Variants in ANK2 observed in about 807,000 individuals in gnomAD.
ANK2 encodes the protein ankyrin 2.
ANK2 carries 83 observed loss-of-function variants against 360.5 expected under a neutral mutation model. That is an observed-to-expected ratio of 0.23 (90% CI 0.19 to 0.28). The LOEUF is 0.28. Among genes scored for constraint, ANK2 ranks in the 10% least tolerant of loss-of-function variants. ANK2 has a pLI of 1.00. For synonymous variants in ANK2, 1,740 were observed against 1,759.5 expected (o/e 0.99, Z 0.28); for missense variants, 4,201 against 4,795.7 (o/e 0.88, Z 3.66).
chr4:112,756,972 C>T, the ANK2 span, among the ~76,000 whole-genome samples: 1 of 151,754 alleles, frequency 6.6e-6, no homozygotes, highest in South Asian at 2.1e-4. Flanking sequence ...GACTCCATCT[C>T]AAAAGAAAAA....
chr4:113,278,692 C>G, intron 17 of ANK2, 134 bp downstream of exon 17: 1 of 865,118 alleles, frequency 1.2e-6, no homozygotes, highest in Non-Finnish European at 1.8e-6. Flanking sequence ...GGTATTGACA[C>G]CCTTTTTTTT....
chr4:113,282,098 A>G (rs1323956758), intron 17 of ANK2, among the ~76,000 whole-genome samples: 1 of 152,228 alleles, frequency 6.6e-6, no homozygotes, highest in Non-Finnish European at 1.5e-5. Flanking sequence ...TATTAGTTGG[A>G]GTATTATAGT....
intron 1 of ANK2, chr4:112,827,079 A>G (rs950147384): frequency 6.0e-6 from 7 of 1,160,612 alleles, no homozygotes; most frequent in Admixed American, 3.4e-5. Flanking sequence ...TCACCCATGC[A>G]ACACAGGAAA....
intron 1 of ANK2, among the ~76,000 whole-genome samples, chr4:112,875,255 G>A (rs1216026055): frequency 6.6e-6 from 1 of 152,126 alleles, no homozygotes; most frequent in Non-Finnish European, 1.5e-5. Flanking sequence ...CTGACTTCAA[G>A]TGGTCCACCC....
intron 2 of ANK2, among the ~76,000 whole-genome samples, chr4:113,044,192 A>G (rs1223598776): frequency 1.3e-5 from 2 of 152,166 alleles, no homozygotes; most frequent in East Asian, 3.9e-4. Context: ...CAGTGATTAA[A>G]CTCGCATGAG....
At chr4:112,770,772 G>A in the ANK2 span, among the ~76,000 whole-genome samples, 1 of 152,020 alleles carries the variant, frequency 6.6e-6, no homozygotes, top group Admixed American at 6.5e-5. Flanking sequence ...GATTTCTGAG[G>A]GCCATCCCTA....
In ANK2 at chr4:113,374,738, T is replaced by C. The variant is rs183148125; in HGVS notation, c.11859+1289T>C. ...AGTTACATTTGGCAATCAGACATTG[T>C]CTATTGTGTGTCCTTCGATCATTAG... On this transcript the variant is annotated intron_variant, in intron 45 of 45. Coordinates refer to ENST00000357077, the MANE Select transcript of ANK2 (RefSeq NM_001148.6). The C allele has an allele frequency of 4.1e-4, 420 of 1,033,638 alleles. No individual in the cohort carries two copies. The highest frequency in any genetic ancestry group is 4.6e-4 in the Non-Finnish European group (393 of 853,022). 64.0% of individuals were successfully genotyped at this position (1,033,638 alleles called of 1,614,324 possible).
intron 2 of ANK2, among the ~76,000 whole-genome samples, chr4:112,972,967 T>C (rs1184229054): frequency 1.3e-5 from 2 of 151,998 alleles, no homozygotes; most frequent in African/African-American, 4.8e-5. Context: ...GGAGCTAAGC[T>C]ATGAGGATGC....
chr4:113,370,347 A>G (rs1437903861), intron 43 of ANK2, among the ~76,000 whole-genome samples: 2 of 152,198 alleles, frequency 1.3e-5, no homozygotes, highest in Non-Finnish European at 2.9e-5. Flanking sequence ...TGAGAAAAAG[A>G]ACATTGTACC....
chr4:113,110,758 A>G (rs2094205047), intron 1 of ANK2, among the ~76,000 whole-genome samples: 1 of 152,102 alleles, frequency 6.6e-6, no homozygotes, highest in Non-Finnish European at 1.5e-5. Flanking sequence ...TATTTATCGT[A>G]GTATCTGCTG....
chr4:113,161,572 T>C (rs992689687), intron 1 of ANK2, among the ~76,000 whole-genome samples: 5 of 152,140 alleles, frequency 3.3e-5, no homozygotes, highest in African/African-American at 1.2e-4. Context: ...TCACATCCAA[T>C]GAGGATAAAG....
At chr4:112,747,335 A>G in the ANK2 span, among the ~76,000 whole-genome samples, 1 of 152,352 alleles carries the variant, frequency 6.6e-6, no homozygotes, top group African/African-American at 2.4e-5. Context: ...AAGAAATCTT[A>G]ATCTGTCCAT....
intron 2 of ANK2, among the ~76,000 whole-genome samples, chr4:112,930,611 G>A (rs528801448): frequency 7.5e-4 from 114 of 152,132 alleles, no homozygotes; most frequent in Non-Finnish European, 1.3e-3. Context: ...TGATGACGCC[G>A]GGTGCAGTGG....
rs781204799 is a variant in ANK2, at chr4:113,358,477, A to T, written c.9859A>T (p.Ile3287Phe). The T allele has an allele frequency of 2.9e-5, 46 of 1,613,974 alleles. No individual in the cohort carries two copies. Among genetic ancestry groups the T allele is most frequent in the South Asian group, 1.1e-4 (10 of 91,088 alleles). The part of the protein sequence containing the change: ...SPEEQKSVIE[I>F]PTAPMENVPF... Reference sequence around the variant, plus strand: ...AGAAGAACAGAAATCAGTAATCGAGATTCCTACTGCACCCATGGAGAATGT... The same window carrying T: ...AGAAGAACAGAAATCAGTAATCGAGTTTCCTACTGCACCCATGGAGAATGT... Residue 3287 changes from isoleucine (I) to phenylalanine (F), a missense_variant, in exon 38 of 46, where the codon ATT becomes TTT. By Grantham distance (21) the Ile-to-Phe change is conservative. This residue lies in a region of ANK2 where 2,642 missense variants were observed against 2,714.5 expected (regional missense o/e 0.97). Transcript: ENST00000357077.
At chr4:112,983,619 G>C (rs1236960558) in intron 2 of ANK2, among the ~76,000 whole-genome samples, 1 of 151,904 alleles carries the variant, frequency 6.6e-6, no homozygotes, top group Non-Finnish European at 1.5e-5. Flanking sequence ...AGGTTGTGGT[G>C]ACCCAAGATC....
intron 1 of ANK2, among the ~76,000 whole-genome samples, chr4:112,866,926 A>C (rs768373146): frequency 5.3e-5 from 8 of 152,110 alleles, no homozygotes; most frequent in Non-Finnish European, 1.2e-4. Context: ...ATTACAGATA[A>C]ATCTAAGTTT....
chr4:112,928,488 G>GA (rs2092825625), intron 2 of ANK2, among the ~76,000 whole-genome samples: 1 of 152,012 alleles, frequency 6.6e-6, no homozygotes, highest in African/African-American at 2.4e-5. Flanking sequence ...GCTGAACTGT[G>GA]TCTTCTCTGA....
In ANK2 at chr4:113,373,625, G is replaced by A. The variant is rs1389728556; in HGVS notation, c.11859+176G>A. 3 of 790,964 alleles carry A rather than the reference G, an allele frequency of 3.8e-6. No individual in the cohort carries two copies. In the Admixed American group the frequency reaches 5.1e-5, roughly 13 times the overall value. 49.0% of individuals were successfully genotyped at this position (790,964 alleles called of 1,614,324 possible). A position where few individuals can be genotyped will look rare whatever the true frequency, so the allele number is the denominator to read the frequency against. ...CATGATTCTATGTGATTTTAAGACAGCCATCAGGGAGACTTGTAGGCATTA... is the reference window on the plus strand; with the variant it reads ...CATGATTCTATGTGATTTTAAGACAACCATCAGGGAGACTTGTAGGCATTA... On this transcript the variant is annotated intron_variant, in intron 45 of 45. Coordinates refer to ENST00000357077, the MANE Select transcript of ANK2 (RefSeq NM_001148.6).
At chr4:113,270,775 C>T (rs1358603033) in intron 14 of ANK2, among the ~76,000 whole-genome samples, 1 of 152,150 alleles carries the variant, frequency 6.6e-6, no homozygotes, top group Non-Finnish European at 1.5e-5. Context: ...TTAACAAACT[C>T]TCAGGTGATG....
Sources: gnomAD v4.1 joint callset for allele counts (sites outside exome capture counted in the v4.1 genomes callset) on GRCh38, gnomAD v4.1.1 for gene constraint, gnomAD v4.1.1 regional missense constraint, MANE v1.5 for transcripts, NCBI Gene and HGNC (gene_info 2026-07-23, HGNC 2026-07-21) for gene names.